CS: variants seen among roughly 807,000 people sequenced by gnomAD.
CS encodes the protein citrate synthase, mitochondrial.
In CS, 13 loss-of-function variants were observed where a neutral mutation model predicts 61.4. The observed-to-expected ratio is 0.21, with a 90% CI of 0.14 to 0.34. The LOEUF (loss-of-function observed/expected upper bound fraction) is 0.34, where lower values mean the gene tolerates loss of function less well. Ranked by LOEUF, CS falls within the 10% of genes least tolerant of loss-of-function variation. The pLI, the probability that CS is intolerant of heterozygous loss-of-function variation, is 1.00. For synonymous variants in CS, 159 were observed against 215.2 expected, an observed-to-expected ratio of 0.74 and a Z score of 2.29; for missense variants, 278 against 573.4, an observed-to-expected ratio of 0.48 and a Z score of 5.26.
At position 56,279,709 on chromosome 12, in the gene CS, T is replaced by C. The variant is rs1383443496; in HGVS notation, c.588+2711A>G. ...TGAACCAGGGAGGCGGAGCTTGCAA[T>C]CAGCTGAGATCGCACCACTGCACTC... On this transcript the variant is annotated intron_variant, in intron 6 of 10. Coordinates refer to ENST00000351328, the MANE Select transcript of CS (RefSeq NM_004077.3). Among the ~76,000 whole-genome samples the C allele has an allele frequency of 2.0e-5, 3 of 150,536 alleles. No homozygotes were observed. In the East Asian group the frequency reaches 5.9e-4, roughly 29 times the overall value.
chr12:56,300,082 G>A (rs796539235), intron 1 of CS, 78 bp downstream of exon 1: 1 of 1,437,784 alleles, frequency 7.0e-7, no homozygotes, highest in Non-Finnish European at 9.4e-7. Flanking sequence ...GGTGTGGGAG[G>A]GAGACCCCGG....
At chr12:56,280,558 T>TCAAGGTTA (rs1421603866) in intron 6 of CS, among the ~76,000 whole-genome samples, 3 of 151,838 alleles carry the variant, frequency 2.0e-5, no homozygotes, top group Non-Finnish European at 2.9e-5. Context: ...GTCCAGGAGT[T>TCAAGGTTA]CAAGGTTACA....
chr12:56,275,937 TA>T, intron 7 of CS, 58 bp downstream of exon 7: 1 of 1,482,624 alleles, frequency 6.7e-7, no homozygotes, highest in African/African-American at 1.4e-5. Flanking sequence ...AAGGAGCTTT[TA>T]AAAAAATTTC....
At chr12:56,297,519 T>C (rs1184023697) in intron 1 of CS, among the ~76,000 whole-genome samples, 2 of 152,152 alleles carry the variant, frequency 1.3e-5, no homozygotes, top group African/African-American at 2.4e-5. Flanking sequence ...CTGGCCAATA[T>C]GGTGAAACCC....
chr12:56,283,880 G>GAAAAAAAAAAA (rs760421792), intron 3 of CS, 23 bp from the exon 4 acceptor site: 3 of 1,389,040 alleles, frequency 2.2e-6, no homozygotes, highest in Admixed American at 4.1e-5. Context: ...AAGAAAGAAG[G>GAAAAAAAAAAA]AAAAAAAAAA....
intron 6 of CS, among the ~76,000 whole-genome samples, chr12:56,279,688 C>T (rs1872716721): frequency 1.3e-5 from 2 of 152,020 alleles, no homozygotes; most frequent in South Asian, 2.1e-4. Context: ...ATTGCTTGAA[C>T]CAGGGAGGCG....
At chr12:56,281,809 G>C (rs1238412255) in intron 6 of CS, among the ~76,000 whole-genome samples, 2 of 151,982 alleles carry the variant, frequency 1.3e-5, no homozygotes, top group Non-Finnish European at 2.9e-5. Flanking sequence ...CACCTACCTA[G>C]GTCTCTTTTC....
intron 7 of CS, chr12:56,275,742 T>A: frequency 1.9e-6 from 1 of 525,610 alleles, no homozygotes; most frequent in Non-Finnish European, 3.4e-6. Context: ...TGAAGGACCA[T>A]CTAATGTGAG....
intron 6 of CS, among the ~76,000 whole-genome samples, chr12:56,281,144 AC>A (rs1176557470): frequency 4.6e-5 from 7 of 152,204 alleles, no homozygotes; most frequent in Non-Finnish European, 8.8e-5. Flanking sequence ...CATTTAATGT[AC>A]CTGCTTTGTA....
intron 1 of CS, among the ~76,000 whole-genome samples, chr12:56,294,473 C>CAAAAA (rs1227364181): frequency 2.7e-5 from 1 of 36,940 alleles, no homozygotes; most frequent in Non-Finnish European, 5.2e-5. Context: ...GACTCTGTCT[C>CAAAAA]AAAAAAAAAA....
intron 6 of CS, among the ~76,000 whole-genome samples, chr12:56,278,088 C>T (rs935172081): frequency 6.6e-6 from 1 of 152,172 alleles, no homozygotes; most frequent in African/African-American, 2.4e-5. Context: ...CACAAGGTCA[C>T]CCATGTAGCC....
At chr12:56,280,440 A>C (rs7309201) in intron 6 of CS, among the ~76,000 whole-genome samples, 93,529 of 119,874 alleles carry the variant, frequency 0.78, 39,530 homozygotes, top group South Asian at 0.96. Context: ...AAAAAAAACA[A>C]AAAAATTAGC....
At chr12:56,299,086 G>C (rs1385013451) in intron 1 of CS, among the ~76,000 whole-genome samples, 1 of 150,566 alleles carries the variant, frequency 6.6e-6, no homozygotes, top group Non-Finnish European at 1.5e-5. Flanking sequence ...ACCATCCTAA[G>C]GCTTTCCTTT....
rs1872533146 is a variant in CS at position 56,272,105 on chromosome 12, CTTGAA to C, written c.*974_*978del. ...ATAATCAGAGGAGACCATGTCCAAT[CTTGAA>C]TCAATTCCCTGTTCAAAAAGAGGTG... On this transcript the variant is annotated 3_prime_UTR_variant, in exon 11 of 11. Transcript: ENST00000351328. 1 of 315,472 alleles carries C rather than the reference CTTGAA, an allele frequency of 3.2e-6. No homozygotes were observed. Among genetic ancestry groups the C allele is most frequent in the Non-Finnish European group, 6.3e-6 (1 of 159,940 alleles). 19.5% of individuals were successfully genotyped at this position (315,472 alleles called of 1,614,324 possible).
intron 1 of CS, chr12:56,291,806 A>T (rs1873133033): frequency 6.6e-6 from 1 of 152,208 alleles, no homozygotes; most frequent in South Asian, 2.1e-4. Context: ...TCATGGGGAG[A>T]GATGGAGAGG....
intron 2 of CS, 125 bp from the exon 3 acceptor site, chr12:56,286,148 A>G: frequency 1.4e-6 from 1 of 699,652 alleles, no homozygotes; most frequent in Non-Finnish European, 2.5e-6. Flanking sequence ...CTGGTCAACT[A>G]CTCTGCACAA....
rs1416097384 is a variant in CS at position 56,286,604 on chromosome 12, A to C, written c.84T>G (p.Ala28=). The C allele has an allele frequency of 2.5e-6, 4 of 1,613,938 alleles. No individual in the cohort carries two copies. Among genetic ancestry groups the C allele is most frequent in the African/African-American group, 1.3e-5 (1 of 74,930 alleles). Residue 28 remains alanine, a synonymous_variant, in exon 2 of 11, where the codon GCT becomes GCG. Coordinates refer to ENST00000351328, the MANE Select transcript of CS (RefSeq NM_004077.3). ...CTTTTCCAAACCTTACCGTGGAGGA[A>C]GCACTGGCATGCCGGGCTGCAAGAA... is the stretch of plus-strand genomic sequence containing the variant. ...CLVLAARHAS[A]SSTNLKDILA...
chr12:56,294,888 C>G (rs1339868734), intron 1 of CS, among the ~76,000 whole-genome samples: 1 of 152,110 alleles, frequency 6.6e-6, no homozygotes, highest in Non-Finnish European at 1.5e-5. Flanking sequence ...TGTGCCTCAG[C>G]TTCCCTAGTA....
chr12:56,283,845 T>A lies in CS; in HGVS notation c.214A>T (p.Met72Leu). Residue 72 changes from methionine to leucine, a missense_variant, in exon 4 of 11, where the codon ATG becomes TTG. Coordinates refer to ENST00000351328, the MANE Select transcript of CS (RefSeq NM_004077.3). ...TAGACCAATCCCTTCATGCCTCTCA[T>A]GCCACCATACATCTAAAGAGGATGA... The part of the protein sequence containing the change: ...QITVDMMYGG[M>L]RGMKGLVYET... The A allele has an allele frequency of 1.2e-6, 2 of 1,612,082 alleles. No individual in the cohort carries two copies. Among genetic ancestry groups the A allele is most frequent in the Non-Finnish European group, 1.7e-6 (2 of 1,178,726 alleles).
Sources: gnomAD v4.1 joint callset for allele counts (sites outside exome capture counted in the v4.1 genomes callset) on GRCh38, gnomAD v4.1.1 for gene constraint, MANE v1.5 for transcripts, NCBI Gene and HGNC (gene_info 2026-07-23, HGNC 2026-07-21) for gene names.